SVEP1: variants seen among roughly 807,000 people sequenced by gnomAD.
The protein encoded by SVEP1 is sushi, von Willebrand factor type A, EGF and pentraxin domain containing 1.
SVEP1 carries 164 observed loss-of-function variants against 367.3 expected under a neutral mutation model. That is an observed-to-expected ratio of 0.45 (90% CI 0.39 to 0.51). SVEP1 has a LOEUF of 0.51. Among genes scored for constraint, SVEP1 ranks in the 20% least tolerant of loss-of-function variants. The pLI is 0.00. For synonymous variants in SVEP1, 1,666 were observed against 1,611.6 expected, an observed-to-expected ratio of 1.03 and a Z score of -0.81; for missense variants, 4,117 against 4,425.3, an observed-to-expected ratio of 0.93 and a Z score of 1.98.
At chr9:110,496,981 C>A in intron 7 of SVEP1, 48 bp from the exon 8 acceptor site, 1 of 1,232,134 alleles carries the variant, frequency 8.1e-7, no homozygotes, top group Non-Finnish European at 1.1e-6. Flanking sequence ...ATATGTGGTC[C>A]TAGATCATTT....
intron 27 of SVEP1, among the ~76,000 whole-genome samples, chr9:110,438,984 C>T (rs1828473044): frequency 6.6e-6 from 1 of 152,200 alleles, no homozygotes; most frequent in African/African-American, 2.4e-5. Flanking sequence ...CTTTTCCCCT[C>T]TCACCAACTC....
chr9:110,431,766 G>A, intron 32 of SVEP1, 149 bp downstream of exon 32: 1 of 1,053,582 alleles, frequency 9.5e-7, no homozygotes, highest in Non-Finnish European at 1.4e-6. Flanking sequence ...TTACTGATGT[G>A]TCTTTTGTAA....
intron 1 of SVEP1, among the ~76,000 whole-genome samples, chr9:110,574,180 C>T (rs1048591830): frequency 2.0e-5 from 3 of 152,220 alleles, no homozygotes; most frequent in Non-Finnish European, 2.9e-5. Context: ...CTACATCTCG[C>T]GGTTTTTATA....
chr9:110,538,272 C>G (rs1383744390), intron 3 of SVEP1, among the ~76,000 whole-genome samples: 2 of 151,986 alleles, frequency 1.3e-5, no homozygotes, highest in East Asian at 3.9e-4. Context: ...GAACCAGTGT[C>G]AACATGCTAG....
intron 40 of SVEP1, among the ~76,000 whole-genome samples, chr9:110,393,318 T>C (rs1215891003): frequency 6.6e-6 from 1 of 152,212 alleles, no homozygotes; most frequent in Admixed American, 6.5e-5. Context: ...AGACTGCATA[T>C]ACCTATCATA....
At chr9:110,455,384 A>C (rs527399404) in intron 22 of SVEP1, among the ~76,000 whole-genome samples, 2 of 152,244 alleles carry the variant, frequency 1.3e-5, no homozygotes, top group Non-Finnish European at 2.9e-5. Flanking sequence ...ACATACTGCC[A>C]TATTGATATC....
chr9:110,388,901 GGAGGTTGCAGTGAGCT>G (rs1259575873), intron 41 of SVEP1, among the ~76,000 whole-genome samples: 3 of 152,174 alleles, frequency 2.0e-5, no homozygotes, highest in South Asian at 2.1e-4. Context: ...CCCGGGAAGT[GGAGGTTGCAGTGAGCT>G]GAGGTTGCAC....
Position 110,499,154 on chromosome 9 carries a change from G to A in SVEP1, c.1568C>T (p.Thr523Met), listed in dbSNP as rs778809311. The A allele has an allele frequency of 4.2e-5, 67 of 1,613,500 alleles. No individual in the cohort carries two copies. Among genetic ancestry groups the A allele is most frequent in the Non-Finnish European group, 4.7e-5 (56 of 1,179,780 alleles). The change falls in exon 7 of 48, where the codon ACG becomes ATG. Residue 523 changes from threonine (T) to methionine (M), a missense_variant. This residue lies in a region of SVEP1 where 2,174 missense variants were observed against 2,494.3 expected (regional missense o/e 0.87). Transcript: ENST00000374469. The part of the protein sequence containing the change: ...NCGKQPAKFG[T>M]ICYVSCRQGF... ...TTGGCGGCAACTTACATAGCAGATC[G>A]TCCCAAATTTGGCTGGCTGCTTGCC...
chr9:110,423,340 T>C (rs1432950127), intron 36 of SVEP1, among the ~76,000 whole-genome samples: 2 of 151,910 alleles, frequency 1.3e-5, no homozygotes, highest in Non-Finnish European at 2.9e-5. Context: ...AGTAGAAACA[T>C]GAAACTCAAA....
intron 40 of SVEP1, 95 bp from the exon 41 acceptor site, chr9:110,389,682 G>A (rs45484994): frequency 4.0e-5 from 54 of 1,355,206 alleles, no homozygotes; most frequent in Middle Eastern, 1.8e-4. Flanking sequence ...GCCTTGAATC[G>A]CTCAGCACTG....
Position 110,463,734 on chromosome 9 carries a change from AAAGC to A in SVEP1, c.3322+2127_3322+2130del, listed in dbSNP as rs559174636. The stretch of plus-strand genomic sequence containing the variant: ...AAAGAGAGAAAGAGAAAGAAAGACA[AAAGC>A]AAGCAAGCAAGAGAAAGTGAGAAAG... On this transcript the variant is annotated intron_variant, in intron 18 of 47. Coordinates refer to ENST00000374469, the MANE Select transcript of SVEP1 (RefSeq NM_153366.4). Among the ~76,000 whole-genome samples, 16 of 152,116 alleles carry A rather than the reference AAAGC, an allele frequency of 1.1e-4. No homozygotes were observed. In the East Asian group the frequency reaches 2.7e-3, roughly 26 times the overall value.
chr9:110,451,572 A>G (rs1215643980), intron 22 of SVEP1, among the ~76,000 whole-genome samples, 170 bp from the exon 23 acceptor site: 1 of 152,206 alleles, frequency 6.6e-6, no homozygotes, highest in Non-Finnish European at 1.5e-5. Flanking sequence ...GTGAACTGCA[A>G]AATTTTTCTA....
Position 110,390,351 on chromosome 9 carries a change from TTA to T in SVEP1, c.9823-766_9823-765del, listed in dbSNP as rs369833308. Among the ~76,000 whole-genome samples the T allele has an allele frequency of 4.3e-3, 116 of 27,228 alleles. 2 individuals carry two copies. Among genetic ancestry groups the T allele is most frequent in the Middle Eastern group, 0.038 (1 of 26 alleles). The allele number at this position is 27,228 out of a possible 152,430, so 17.9% of individuals were successfully genotyped here. ...TATATATACACATACTTATATACACTTATATATATATACTTATATCTACTTAT... is the reference window on the plus strand; with the variant it reads ...TATATATACACATACTTATATACACTTATATATATACTTATATCTACTTAT... On this transcript the variant is annotated intron_variant, in intron 40 of 47. Coordinates refer to ENST00000374469, the MANE Select transcript of SVEP1 (RefSeq NM_153366.4).
At chr9:110,439,018 G>C (rs1828473697) in intron 27 of SVEP1, among the ~76,000 whole-genome samples, 2 of 152,018 alleles carry the variant, frequency 1.3e-5, no homozygotes, top group Non-Finnish European at 2.9e-5. Context: ...TCTTACTTTA[G>C]CTAACAGACT....
chr9:110,380,673 A>G (rs1162285691), intron 43 of SVEP1, among the ~76,000 whole-genome samples: 1 of 152,106 alleles, frequency 6.6e-6, no homozygotes, highest in Admixed American at 6.5e-5. Flanking sequence ...TATCTCCATC[A>G]GGTTTTGGTA....
chr9:110,469,663 G>C (rs1226638133), intron 16 of SVEP1, among the ~76,000 whole-genome samples: 1 of 152,206 alleles, frequency 6.6e-6, no homozygotes, highest in Non-Finnish European at 1.5e-5. Flanking sequence ...TAATGGGGAA[G>C]ACACTTGAGA....
Position 110,579,739 on chromosome 9 carries a change from A to G in SVEP1, c.-196T>C, listed in dbSNP as rs1004257659. ...TCAGCAGCTCGGGAACTCCGGAGGG[A>G]ACGGCGCGCGCTCTCTACCCCTCTC... On this transcript the variant is annotated 5_prime_UTR_variant, in exon 1 of 48. Coordinates refer to ENST00000374469, the MANE Select transcript of SVEP1 (RefSeq NM_153366.4). The surrounding 1 kb of genome is among the most constrained non-coding windows in gnomAD (Gnocchi z 5.3). 4 of 562,544 alleles carry G rather than the reference A, an allele frequency of 7.1e-6. No individual in the cohort carries two copies. The highest frequency in any genetic ancestry group is 6.0e-5 in the African/African-American group (3 of 49,642). 34.8% of individuals were successfully genotyped at this position (562,544 alleles called of 1,614,324 possible).
intron 1 of SVEP1, among the ~76,000 whole-genome samples, chr9:110,572,102 T>C (rs1830569875): frequency 8.5e-6 from 1 of 117,168 alleles, no homozygotes; most frequent in Non-Finnish European, 1.7e-5. Flanking sequence ...AAAGGTAATA[T>C]AGTAAGATAT....
In SVEP1 at chr9:110,430,288, A is replaced by G. The variant is rs775757022; in HGVS notation, c.5516T>C (p.Ile1839Thr). Reference sequence around the variant, plus strand: ...ACTAAACATACCTTTACAATATGGTATTAGATGATTCCATTCTCCAGACTC... The same window carrying G: ...ACTAAACATACCTTTACAATATGGTGTTAGATGATTCCATTCTCCAGACTC... ...CLESGEWNHLIPYCKAVSCGK... is the reference protein window; with the variant it reads ...CLESGEWNHLTPYCKAVSCGK... Residue 1839 changes from isoleucine (I) to threonine (T), a missense_variant, in exon 33 of 48, where the codon ATA (isoleucine) becomes ACA (threonine). Around this residue, in one of 4 missense-constraint regions of SVEP1, gnomAD observed 2,174 missense variants for 2,494.3 expected, o/e 0.87. Transcript: ENST00000374469. The G allele has an allele frequency of 7.4e-6, 12 of 1,612,468 alleles. No homozygotes were observed. In the East Asian group the frequency reaches 1.6e-4, roughly 21 times the overall value.
Sources: allele counts gnomAD v4.1 joint callset (sites outside exome capture counted in the v4.1 genomes callset), GRCh38; gene constraint gnomAD v4.1.1; regional missense constraint gnomAD v4.1.1; non-coding constraint Gnocchi (gnomAD v3.1); transcripts MANE v1.5; gene names NCBI Gene and HGNC (gene_info 2026-07-23, HGNC 2026-07-21).